The following LAMA2 variants were observed in gnomAD, a reference collection of about 807,000 sequenced individuals.
LAMA2 encodes laminin subunit alpha-2.
LAMA2 carries 269 observed loss-of-function variants against 364.8 expected under a neutral mutation model. The ratio of observed to expected loss-of-function variants is 0.74; its 90% CI spans 0.67 to 0.82. LAMA2 has a LOEUF of 0.82. Ranked by LOEUF, LAMA2 falls within the 40% of genes least tolerant of loss-of-function variation. The probability of loss-of-function intolerance (pLI) is 0.00; values close to 1 mark genes in which losing one functional copy is unlikely to be tolerated. For missense variants in LAMA2, 3,807 were observed against 3,873.2 expected, an observed-to-expected ratio of 0.98 and a Z score of 0.45; for synonymous variants, 1,379 against 1,370.6, an observed-to-expected ratio of 1.01 and a Z score of -0.14.
chr6:129,454,558 A>G (rs540793237), intron 47 of LAMA2, among the ~76,000 whole-genome samples: 1 of 152,276 alleles, frequency 6.6e-6, no homozygotes, highest in Admixed American at 6.5e-5. Context: ...TCGCTGTTTC[A>G]GGCTTCCTAT....
chr6:129,335,475 G>A (rs577588831), intron 29 of LAMA2, among the ~76,000 whole-genome samples: 4 of 150,708 alleles, frequency 2.7e-5, no homozygotes, highest in African/African-American at 9.7e-5. Context: ...TTTTCACATG[G>A]GAATATTGAA....
chr6:129,118,020 C>A (rs1048114803), intron 4 of LAMA2, among the ~76,000 whole-genome samples: 3 of 152,088 alleles, frequency 2.0e-5, no homozygotes, highest in African/African-American at 7.2e-5. Flanking sequence ...GTGACATGAA[C>A]CATCATAAGA....
At chr6:128,897,762 G>T (rs1776857985) in intron 1 of LAMA2, among the ~76,000 whole-genome samples, 1 of 152,208 alleles carries the variant, frequency 6.6e-6, no homozygotes, top group African/African-American at 2.4e-5. Context: ...GTAACTCCCA[G>T]AGTAGAGAAT....
intron 3 of LAMA2, among the ~76,000 whole-genome samples, chr6:129,087,021 A>T (rs1028385817): frequency 3.3e-5 from 5 of 152,102 alleles, no homozygotes; most frequent in Non-Finnish European, 7.4e-5. Flanking sequence ...CCTCCCTCTT[A>T]TACTTTTCAG....
intron 1 of LAMA2, among the ~76,000 whole-genome samples, chr6:129,016,376 AT>A (rs1195681077): frequency 1.3e-5 from 2 of 152,190 alleles, no homozygotes; most frequent in East Asian, 3.9e-4. Flanking sequence ...ACAAAGACAT[AT>A]TCAAGAATGC....
At chr6:129,296,385 T>C (rs1050563666) in intron 20 of LAMA2, among the ~76,000 whole-genome samples, 3 of 152,032 alleles carry the variant, frequency 2.0e-5, no homozygotes, top group Non-Finnish European at 4.4e-5. Context: ...TTGGAACTGT[T>C]ACATGCTTTT....
At chr6:129,408,385 A>G (rs1780354091) in intron 40 of LAMA2, among the ~76,000 whole-genome samples, 1 of 152,232 alleles carries the variant, frequency 6.6e-6, no homozygotes, top group Non-Finnish European at 1.5e-5. Context: ...TGATAAGACC[A>G]GTGAATTCCA....
At chr6:129,497,819 G>A (rs1041720183) in intron 58 of LAMA2, among the ~76,000 whole-genome samples, 3 of 152,190 alleles carry the variant, frequency 2.0e-5, no homozygotes, top group African/African-American at 7.2e-5. Context: ...ATTAATTCAT[G>A]TTGAACACGC....
intron 35 of LAMA2, among the ~76,000 whole-genome samples, chr6:129,384,751 A>T (rs1009039465): frequency 2.0e-5 from 3 of 152,000 alleles, no homozygotes; most frequent in African/African-American, 7.2e-5. Flanking sequence ...CAGAGAAAGG[A>T]TTACCCATCA....
intron 3 of LAMA2, among the ~76,000 whole-genome samples, chr6:129,086,255 C>T (rs931418874): frequency 1.3e-5 from 2 of 152,170 alleles, no homozygotes; most frequent in Non-Finnish European, 2.9e-5. Context: ...GATATGTTCA[C>T]CCATTAGGTA....
chr6:128,995,151 TATC>T lies in LAMA2; in HGVS notation c.113-54764_113-54762del, dbSNP rs1489266702. On this transcript the variant is annotated intron_variant, in intron 1 of 64. Transcript: ENST00000421865. The stretch of plus-strand genomic sequence containing the variant: ...AACTGAATTTAAATATCACAGTACT[TATC>T]ATATGATATTCAACAACCTGACTGT... 5.3e-5 allele frequency among the ~76,000 whole-genome samples: 8 copies of T among 152,218 alleles called. No homozygotes were observed. In the East Asian group the frequency reaches 1.2e-3, roughly 22 times the overall value.
At chr6:129,107,605 A>T (rs2114892927) in intron 4 of LAMA2, among the ~76,000 whole-genome samples, 1 of 152,268 alleles carries the variant, frequency 6.6e-6, no homozygotes, top group Admixed American at 6.5e-5. Context: ...TAATAATAAA[A>T]CCACAACAAT....
intron 12 of LAMA2, among the ~76,000 whole-genome samples, chr6:129,248,547 C>A (rs182935207): frequency 6.6e-6 from 1 of 151,912 alleles, no homozygotes; most frequent in African/African-American, 2.4e-5. Flanking sequence ...TTAGAGAAGC[C>A]ATATTCAAGA....
Position 129,098,376 on chromosome 6 carries a change from T to C in LAMA2, c.600T>C (p.Thr200=). ...CCAAAGATGATGAGGTCATCTGCAC[T>C]TCATTTTACTCCAAGATACACCCCT... The part of the protein sequence containing the change: ...SYAKDDEVIC[T]SFYSKIHPLE... Residue 200 remains threonine (T), a synonymous_variant, in exon 4 of 65, where the codon ACT becomes ACC. Transcript: ENST00000421865. 6.2e-7 allele frequency: 1 copy of C among 1,614,010 alleles called. No individual in the cohort carries two copies. The highest frequency in any genetic ancestry group is 8.5e-7 in the Non-Finnish European group (1 of 1,179,928).
chr6:128,976,523 C>A (rs980902890), intron 1 of LAMA2, among the ~76,000 whole-genome samples: 22 of 152,106 alleles, frequency 1.4e-4, no homozygotes, highest in African/African-American at 4.8e-4. Context: ...GATATCAACA[C>A]CAGAGAGGAA....
At chr6:129,515,116 A>C (rs760952557) in intron 64 of LAMA2, among the ~76,000 whole-genome samples, 2 of 152,230 alleles carry the variant, frequency 1.3e-5, no homozygotes, top group Non-Finnish European at 2.9e-5. Flanking sequence ...TAAATATAGC[A>C]TGTGAACTGT....
intron 27 of LAMA2, among the ~76,000 whole-genome samples, chr6:129,319,347 C>A (rs1193413461): frequency 6.6e-6 from 1 of 152,228 alleles, no homozygotes; most frequent in Non-Finnish European, 1.5e-5. Context: ...CCGTGTCTAC[C>A]TGAAGCCACT....
chr6:128,922,528 G>A (rs1340220144), intron 1 of LAMA2, among the ~76,000 whole-genome samples: 3 of 151,158 alleles, frequency 2.0e-5, no homozygotes, highest in African/African-American at 7.3e-5. Context: ...GTCTGTTCAT[G>A]TCCTTCGCCC....
intron 27 of LAMA2, among the ~76,000 whole-genome samples, chr6:129,318,538 T>A (rs1774757761): frequency 6.6e-6 from 1 of 152,168 alleles, no homozygotes; most frequent in African/African-American, 2.4e-5. Flanking sequence ...ATGAAGCCAG[T>A]AGCTCCTCGG....
Sources: gnomAD v4.1 joint callset for allele counts (sites outside exome capture counted in the v4.1 genomes callset) on GRCh38, gnomAD v4.1.1 for gene constraint, MANE v1.5 for transcripts, NCBI Gene and HGNC (gene_info 2026-07-23, HGNC 2026-07-21) for gene names.